The following MEGF6 variants were observed in gnomAD, a reference collection of about 807,000 sequenced individuals.
MEGF6 encodes the protein multiple epidermal growth factor-like domains protein 6.
MEGF6 carries 184 observed loss-of-function variants against 207.1 expected under a neutral mutation model. That is an observed-to-expected ratio of 0.89 (90% CI 0.79 to 1.00). The LOEUF (loss-of-function observed/expected upper bound fraction) is 1.00. Ranked by LOEUF, MEGF6 falls within the 50% of genes least tolerant of loss-of-function variation. The probability of loss-of-function intolerance (pLI) is 0.00; values close to 1 mark genes in which losing one functional copy is unlikely to be tolerated. For missense variants in MEGF6, 2,282 were observed against 2,202.9 expected, an observed-to-expected ratio of 1.04 and a Z score of -0.72; for synonymous variants, 1,038 against 910.0, an observed-to-expected ratio of 1.14 and a Z score of -2.53.
At chr1:3,531,656 A>G (rs979390898) in intron 4 of MEGF6, among the ~76,000 whole-genome samples, 7 of 152,190 alleles carry the variant, frequency 4.6e-5, no homozygotes, top group African/African-American at 1.7e-4. Flanking sequence ...CCACAGACAC[A>G]GGCACACAGA....
chr1:3,490,857 CT>C, intron 36 of MEGF6, 54 bp downstream of exon 36: 1 of 1,547,324 alleles, frequency 6.5e-7, no homozygotes, highest in East Asian at 2.4e-5. Context: ...TCTTCGTTGA[CT>C]TTGCCATAAC....
intron 1 of MEGF6, 148 bp from the exon 2 acceptor site, chr1:3,602,748 T>C (rs2101883410): frequency 8.1e-7 from 1 of 1,238,974 alleles, no homozygotes; most frequent in African/African-American, 1.5e-5. Flanking sequence ...CCCATGCCAG[T>C]GCCCCAGGCC....
chr1:3,577,972 G>A (rs533054179), intron 4 of MEGF6, among the ~76,000 whole-genome samples: 2 of 152,338 alleles, frequency 1.3e-5, no homozygotes, highest in East Asian at 3.9e-4. Context: ...CCGATGCCCC[G>A]GGGTCCACGC....
chr1:3,557,939 C>T (rs530234771), intron 4 of MEGF6, among the ~76,000 whole-genome samples: 7 of 152,318 alleles, frequency 4.6e-5, no homozygotes, highest in Admixed American at 1.3e-4. Context: ...TCAGCCCTAT[C>T]GTGAGTGTTG....
In MEGF6 at chr1:3,496,700, C is replaced by G. The variant is rs761481774; in HGVS notation, c.3697G>C (p.Ala1233Pro). Reference protein sequence around the residue: ...NGGSCDAATGACRCPTGFLGT... With the variant: ...NGGSCDAATGPCRCPTGFLGT... ...AGGAACCCAGTGGGGCAGCGGCAGG[C>G]CCCCGTGGCCGCATCACAGGAGCCC... The change falls in exon 29 of 37, where the codon GCC becomes CCC. Residue 1233 changes from alanine (A) to proline (P), a missense_variant. Ala to Pro is a conservative substitution (Grantham distance 27). Transcript: ENST00000356575. 25 of 1,560,994 alleles carry G rather than the reference C, an allele frequency of 1.6e-5. No individual in the cohort carries two copies. The African/African-American group carries it at 3.1e-4, about 20-fold the overall frequency.
At chr1:3,605,254 A>G (rs1018577933) in intron 1 of MEGF6, among the ~76,000 whole-genome samples, 4 of 151,822 alleles carry the variant, frequency 2.6e-5, no homozygotes, top group African/African-American at 7.3e-5. Flanking sequence ...AACAGAAGGC[A>G]CTCACACATA....
In MEGF6 at chr1:3,573,707, C is replaced by T. The variant is rs1281947635; in HGVS notation, c.481+6118G>A. 6.6e-6 allele frequency among the ~76,000 whole-genome samples: 1 copy of T among 152,182 alleles called. No individual in the cohort carries two copies. Among genetic ancestry groups the T allele is most frequent in the African/African-American group, 2.4e-5 (1 of 41,456 alleles). On this transcript the variant is annotated intron_variant, in intron 4 of 36. Transcript: ENST00000356575. This position sits in a 1 kb window ranked among gnomAD's most constrained non-coding sequence, Gnocchi z 5.1. ...AGCCCCGTCCTCCCCTCCCACCACTCCCTGGGGCACAGAGTCTGAGTCTGG... is the reference window on the plus strand; with the variant it reads ...AGCCCCGTCCTCCCCTCCCACCACTTCCTGGGGCACAGAGTCTGAGTCTGG...
At position 3,497,250 on chromosome 1, in the gene MEGF6, C is replaced by A; in HGVS notation, c.3464G>T (p.Gly1155Val). Residue 1155 changes from glycine to valine, a missense_variant, in exon 27 of 37, where the codon GGC (glycine) becomes GTC (valine). Coordinates refer to ENST00000356575, the MANE Select transcript of MEGF6 (RefSeq NM_001409.4). ...GCACCTACCCTGCTCGCAGCCGGAG[C>A]CAGTGAAGCCAGGGGGACAGCGGCA... Reference protein sequence around the residue: ...GACRCPPGFTGSGCEQACPPG... With the variant: ...GACRCPPGFTVSGCEQACPPG... The A allele has an allele frequency of 6.5e-7, 1 of 1,534,924 alleles. No homozygotes were observed. Among genetic ancestry groups the A allele is most frequent in the Non-Finnish European group, 8.7e-7 (1 of 1,143,546 alleles).
Position 3,509,144 on chromosome 1 carries a change from C to A in MEGF6, c.1459G>T (p.Asp487Tyr). The change falls in exon 12 of 37, where the codon GAT becomes TAT. Residue 487 changes from aspartate to tyrosine, a missense_variant. Coordinates refer to ENST00000356575, the MANE Select transcript of MEGF6 (RefSeq NM_001409.4). ...LQDELPQLFQ[D>Y]DDVGADEEEA... Reference sequence around the variant, plus strand: ...TCCTCATCGGCCCCGACGTCGTCATCCTGGAAGAGTTGCGGCAGCTCGTCC... The same window carrying A: ...TCCTCATCGGCCCCGACGTCGTCATACTGGAAGAGTTGCGGCAGCTCGTCC... The A allele has an allele frequency of 1.3e-6, 2 of 1,595,654 alleles. No individual in the cohort carries two copies.
At chr1:3,577,373 T>C (rs1643672445) in intron 4 of MEGF6, among the ~76,000 whole-genome samples, 1 of 152,238 alleles carries the variant, frequency 6.6e-6, no homozygotes, top group Non-Finnish European at 1.5e-5. Context: ...GGCTTGTCCC[T>C]GCACCAGGTG....
intron 4 of MEGF6, among the ~76,000 whole-genome samples, chr1:3,543,614 C>T (rs1354655508): frequency 6.6e-6 from 1 of 152,234 alleles, no homozygotes; most frequent in East Asian, 1.9e-4. Flanking sequence ...GGAGAGGAAG[C>T]GTCGGCACTG....
Position 3,508,667 on chromosome 1 carries a change from G to C in MEGF6, c.1551C>G (p.Gly517=). Reference sequence around the variant, plus strand: ...CATCACAGGTCAAGCTGCAGTCATGGCCAAAGGAGTCATCCAGGCAGACTG... The same window carrying C: ...CATCACAGGTCAAGCTGCAGTCATGCCCAAAGGAGTCATCCAGGCAGACTG... ...EKFVCLDDSF[G]HDCSLTCDDC... The change falls in exon 13 of 37, where the codon GGC becomes GGG. Residue 517 remains glycine, a synonymous_variant. Transcript: ENST00000356575. The C allele has an allele frequency of 6.2e-7, 1 of 1,613,388 alleles. No individual in the cohort carries two copies.
At chr1:3,557,514 G>A (rs1053939014) in intron 4 of MEGF6, among the ~76,000 whole-genome samples, 4 of 152,180 alleles carry the variant, frequency 2.6e-5, no homozygotes, top group African/African-American at 7.2e-5. Flanking sequence ...CTCGCTGGGC[G>A]GTTATCTCTG....
upstream of MEGF6, among the ~76,000 whole-genome samples, chr1:3,612,296 C>T (rs1570263032): frequency 6.7e-6 from 1 of 148,828 alleles, no homozygotes; most frequent in Admixed American, 6.6e-5. Flanking sequence ...TGCCCATGGG[C>T]ACAGAGGCAC....
At chr1:3,584,623 A>G (rs78555476) in intron 3 of MEGF6, among the ~76,000 whole-genome samples, 2,463 of 152,212 alleles carry the variant, frequency 0.016, 58 homozygotes, top group South Asian at 0.096. Flanking sequence ...GTGTTCCCCC[A>G]CACCAGAGTC....
intron 4 of MEGF6, among the ~76,000 whole-genome samples, chr1:3,543,005 G>C (rs530695032): frequency 6.6e-6 from 1 of 152,332 alleles, no homozygotes; most frequent in East Asian, 1.9e-4. Context: ...GCACATGTCA[G>C]AGGCCGTGCC....
chr1:3,512,155 C>T (rs1012908983), intron 7 of MEGF6, 27 bp from the exon 8 acceptor site: 1 of 1,576,740 alleles, frequency 6.3e-7, no homozygotes, highest in Non-Finnish European at 8.6e-7. Flanking sequence ...ACAGGGAGGG[C>T]TCAGAGGTGC....
chr1:3,612,589 C>T (rs1460933010), upstream of MEGF6, among the ~76,000 whole-genome samples: 2 of 152,164 alleles, frequency 1.3e-5, no homozygotes, highest in African/African-American at 2.4e-5. Flanking sequence ...CACAAAGAGC[C>T]AGCCATGCCG....
chr1:3,593,076 T>G lies in MEGF6; in HGVS notation c.376+2262A>C, dbSNP rs146073395. 6.6e-5 allele frequency among the ~76,000 whole-genome samples: 10 copies of G among 152,212 alleles called. No homozygotes were observed. The East Asian group carries it at 1.9e-3, about 30-fold the overall frequency. On this transcript the variant is annotated intron_variant, in intron 3 of 36. Transcript: ENST00000356575. ...TCTTCTAAGGCTCCAGGGTCCCACA[T>G]GCAGATGGCGGCCTAGTGCCTGGCC...
Sources: allele counts gnomAD v4.1 joint callset (sites outside exome capture counted in the v4.1 genomes callset), GRCh38; gene constraint gnomAD v4.1.1; non-coding constraint Gnocchi (gnomAD v3.1); transcripts MANE v1.5; gene names NCBI Gene and HGNC (gene_info 2026-07-23, HGNC 2026-07-21).